Variants in AUTS2 observed in about 807,000 individuals in gnomAD.
AUTS2 encodes autism susceptibility gene 2 protein.
A neutral mutation model predicts 112.4 loss-of-function variants in AUTS2; 17 were observed. The observed-to-expected ratio is 0.15, with a 90% CI of 0.10 to 0.23. The LOEUF (loss-of-function observed/expected upper bound fraction) is 0.23, where lower values mean the gene tolerates loss of function less well. Among genes scored for constraint, AUTS2 ranks in the 10% least tolerant of loss-of-function variants. The pLI is 1.00. For synonymous variants in AUTS2, 751 were observed against 702.7 expected, an observed-to-expected ratio of 1.07 and a Z score of -1.09; for missense variants, 1,510 against 1,701.6, an observed-to-expected ratio of 0.89 and a Z score of 1.98.
At chr7:69,644,562 AT>A (rs1433100174) in intron 1 of AUTS2, among the ~76,000 whole-genome samples, 1 of 151,690 alleles carries the variant, frequency 6.6e-6, no homozygotes, top group Non-Finnish European at 1.5e-5. Flanking sequence ...ATAAGTCAAG[AT>A]GTAGAGGGCT....
intron 1 of AUTS2, among the ~76,000 whole-genome samples, chr7:69,845,228 C>T (rs1307312366): frequency 1.3e-5 from 2 of 152,162 alleles, no homozygotes; most frequent in Non-Finnish European, 2.9e-5. Context: ...CTTCCTGGTA[C>T]CTTTTTCCTC....
chr7:70,063,719 T>G (rs1449115428), intron 2 of AUTS2, among the ~76,000 whole-genome samples: 2 of 152,184 alleles, frequency 1.3e-5, no homozygotes, highest in South Asian at 4.1e-4. Context: ...CTTCTTTGAA[T>G]GTATTTGTAA....
At chr7:70,780,197 A>C (rs1165331642) in intron 14 of AUTS2, among the ~76,000 whole-genome samples, 1 of 152,134 alleles carries the variant, frequency 6.6e-6, no homozygotes, top group Non-Finnish European at 1.5e-5. Context: ...GCCAGTTCAA[A>C]GAGAAAGCTG....
chr7:70,603,227 C>CT (rs1803566639), intron 5 of AUTS2, among the ~76,000 whole-genome samples: 1 of 151,138 alleles, frequency 6.6e-6, no homozygotes, highest in East Asian at 1.9e-4. Context: ...CTTTTCTTTT[C>CT]TTTTTTTTAT....
chr7:69,769,831 G>T (rs1788586898), intron 1 of AUTS2, among the ~76,000 whole-genome samples: 1 of 152,230 alleles, frequency 6.6e-6, no homozygotes, highest in Admixed American at 6.5e-5. Context: ...CTGTAGCTAA[G>T]AAATGGAGAT....
chr7:70,785,532 C>T (rs1791392294), intron 16 of AUTS2: 1 of 466,536 alleles, frequency 2.1e-6, no homozygotes, highest in Admixed American at 2.3e-5. Flanking sequence ...CAGGCAGATT[C>T]AGGCATTGGC....
At chr7:70,435,415 T>C (rs1250086819) in intron 4 of AUTS2, among the ~76,000 whole-genome samples, 1 of 152,206 alleles carries the variant, frequency 6.6e-6, no homozygotes, top group Non-Finnish European at 1.5e-5. Context: ...TGTGGCTGAC[T>C]CCTAGAGGGG....
chr7:70,554,068 C>T (rs960329155), intron 5 of AUTS2, among the ~76,000 whole-genome samples: 2 of 127,442 alleles, frequency 1.6e-5, no homozygotes, highest in African/African-American at 3.0e-5. Context: ...CTGCACCTGG[C>T]CTTTTTTTTT....
chr7:70,548,292 T>A (rs1425452149), intron 5 of AUTS2, among the ~76,000 whole-genome samples: 1 of 152,222 alleles, frequency 6.6e-6, no homozygotes, highest in Non-Finnish European at 1.5e-5. Flanking sequence ...CTTGTAAGAA[T>A]TCTGTATATA....
At chr7:70,243,227 A>T (rs1812715404) in intron 4 of AUTS2, among the ~76,000 whole-genome samples, 1 of 141,834 alleles carries the variant, frequency 7.1e-6, no homozygotes, top group African/African-American at 2.6e-5. Context: ...GAAAGAATGT[A>T]TCCTTGTGTG....
chr7:70,276,197 AAG>A (rs1451050231), intron 4 of AUTS2, among the ~76,000 whole-genome samples: 1 of 152,260 alleles, frequency 6.6e-6, no homozygotes, highest in African/African-American at 2.4e-5. Context: ...GAATCAAAGA[AAG>A]AGTGTACATG....
At chr7:69,729,994 ATTTTTTTTTT>A (rs10684331) in intron 1 of AUTS2, among the ~76,000 whole-genome samples, 1 of 56,750 alleles carries the variant, frequency 1.8e-5, no homozygotes, top group African/African-American at 8.4e-5. Context: ...TGTTGTTTTA[ATTTTTTTTTT>A]TTTTTTTTTT....
intron 4 of AUTS2, among the ~76,000 whole-genome samples, chr7:70,285,498 A>G (rs1430471287): frequency 6.6e-6 from 1 of 152,212 alleles, no homozygotes; most frequent in African/African-American, 2.4e-5. Flanking sequence ...ATGTTTGGAA[A>G]TCAGGAGCAA....
At chr7:70,492,962 C>G (rs1237144282) in intron 5 of AUTS2, among the ~76,000 whole-genome samples, 1 of 152,192 alleles carries the variant, frequency 6.6e-6, no homozygotes, top group East Asian at 1.9e-4. Flanking sequence ...GCATGTTTAT[C>G]TGCCCTTCCC....
At chr7:69,853,269 T>G (rs1792570490) in intron 1 of AUTS2, among the ~76,000 whole-genome samples, 1 of 152,170 alleles carries the variant, frequency 6.6e-6, no homozygotes, top group South Asian at 2.1e-4. Flanking sequence ...CTATTTCTCT[T>G]TTCAGTTCTG....
chr7:70,560,080 C>T (rs1198834603), intron 5 of AUTS2, among the ~76,000 whole-genome samples: 1 of 152,192 alleles, frequency 6.6e-6, no homozygotes, highest in Non-Finnish European at 1.5e-5. Flanking sequence ...CTAATTTGCA[C>T]CACAGAGATT....
intron 5 of AUTS2, among the ~76,000 whole-genome samples, chr7:70,507,030 G>A (rs1009280845): frequency 1.3e-5 from 2 of 152,346 alleles, no homozygotes; most frequent in African/African-American, 2.4e-5. Flanking sequence ...TGCTGAGTGA[G>A]CACCAACCCA....
At chr7:70,542,861 A>G (rs936207988) in intron 5 of AUTS2, among the ~76,000 whole-genome samples, 1 of 152,168 alleles carries the variant, frequency 6.6e-6, no homozygotes, top group African/African-American at 2.4e-5. Context: ...CAATGATGGC[A>G]TCAACTCCCT....
chr7:70,122,711 C>A (rs763545939), intron 3 of AUTS2, among the ~76,000 whole-genome samples: 1 of 151,948 alleles, frequency 6.6e-6, no homozygotes, highest in Non-Finnish European at 1.5e-5. Context: ...TGCAACATTA[C>A]TGAAAAGGAA....
Sources: gnomAD v4.1 joint callset for allele counts (sites outside exome capture counted in the v4.1 genomes callset) on GRCh38, gnomAD v4.1.1 for gene constraint, MANE v1.5 for transcripts, NCBI Gene and HGNC (gene_info 2026-07-23, HGNC 2026-07-21) for gene names.